The following RAB38 variants were observed in gnomAD, a reference collection of about 807,000 sequenced individuals.
RAB38 encodes the protein RAB38, member RAS oncogene family.
RAB38 carries 15 observed loss-of-function variants against 18.4 expected under a neutral mutation model. That is an observed-to-expected ratio of 0.82 (90% CI 0.55 to 1.26). The LOEUF is 1.26. Among genes scored for constraint, RAB38 ranks in the 50% most tolerant of loss-of-function variants. The pLI, the probability that RAB38 is intolerant of heterozygous loss-of-function variation, is 0.00. For synonymous variants in RAB38, 101 were observed against 104.4 expected, an observed-to-expected ratio of 0.97 and a Z score of 0.20; for missense variants, 294 against 267.4, an observed-to-expected ratio of 1.10 and a Z score of -0.69.
At chr11:87,977,954 TATATAAATAAG>T in the RAB38 span, among the ~76,000 whole-genome samples, 16 of 113,138 alleles carry the variant, frequency 1.4e-4, no homozygotes, top group Non-Finnish European at 2.3e-4. Flanking sequence ...ATTAATATAA[TATATAAATAAG>T]ATATATTATA....
the RAB38 span, among the ~76,000 whole-genome samples, chr11:88,056,676 C>T: frequency 6.6e-6 from 1 of 151,892 alleles, no homozygotes; most frequent in Non-Finnish European, 1.5e-5. Context: ...AGGTGGTGGG[C>T]GCCTGTAGTC....
the RAB38 span, among the ~76,000 whole-genome samples, chr11:88,008,524 T>G: frequency 3.0e-4 from 46 of 152,262 alleles, 1 homozygote; most frequent in East Asian, 1.4e-3. Context: ...GCAATCTGTA[T>G]GAAGAAGCCT....
At chr11:88,092,343 A>AGAGG in the RAB38 span, among the ~76,000 whole-genome samples, 64 of 10,652 alleles carry the variant, frequency 6.0e-3, 20 homozygotes, top group Non-Finnish European at 7.0e-3. Context: ...AGAGAGAGAG[A>AGAGG]GAGGGAGGGA....
At chr11:88,032,095 T>A in the RAB38 span, among the ~76,000 whole-genome samples, 1 of 151,546 alleles carries the variant, frequency 6.6e-6, no homozygotes, top group Non-Finnish European at 1.5e-5. Flanking sequence ...AACTATCTGA[T>A]CTTTGACAAA....
the RAB38 span, among the ~76,000 whole-genome samples, chr11:88,043,774 G>C: frequency 6.6e-6 from 1 of 152,164 alleles, no homozygotes; most frequent in Non-Finnish European, 1.5e-5. Context: ...AGCCTGTTTG[G>C]TGGTCTCTTC....
chr11:87,898,378 T>C, the RAB38 span, among the ~76,000 whole-genome samples: 3 of 151,670 alleles, frequency 2.0e-5, no homozygotes, highest in East Asian at 5.8e-4. Context: ...AATCATCTCC[T>C]CAGAGCCACT....
chr11:87,829,298 G>T, the RAB38 span, among the ~76,000 whole-genome samples: 1 of 152,186 alleles, frequency 6.6e-6, no homozygotes, highest in Non-Finnish European at 1.5e-5. Context: ...ATATACCCAT[G>T]AAACAAACCT....
At chr11:87,868,578 G>GGAGAGAGA in the RAB38 span, among the ~76,000 whole-genome samples, 4 of 59,248 alleles carry the variant, frequency 6.8e-5, no homozygotes, top group East Asian at 1.1e-3. Context: ...AAGGAGTGAG[G>GGAGAGAGA]GAGAGAGAGA....
rs189783697 is a variant in RAB38, at chr11:88,151,720, A to C, written c.203-1765T>G. On this transcript the variant is annotated intron_variant, in intron 1 of 2. Transcript: ENST00000243662. Reference sequence around the variant, plus strand: ...TAAAAACTTTATAATGGTAAGTTTTAATTCAAGTTAGCAAGCTGTTTTGTA... The same window carrying C: ...TAAAAACTTTATAATGGTAAGTTTTCATTCAAGTTAGCAAGCTGTTTTGTA... Among the ~76,000 whole-genome samples the C allele has an allele frequency of 3.3e-4, 50 of 152,358 alleles. No individual in the cohort carries two copies. The East Asian group carries it at 8.5e-3, about 26-fold the overall frequency.
the RAB38 span, chr11:87,817,627 TA>T: frequency 6.6e-6 from 1 of 152,170 alleles, no homozygotes; most frequent in African/African-American, 2.4e-5. Flanking sequence ...ATAAAGCCTT[TA>T]AAAGTTGGTT....
the RAB38 span, among the ~76,000 whole-genome samples, chr11:88,016,777 C>G: frequency 1.3e-5 from 2 of 152,050 alleles, no homozygotes; most frequent in Non-Finnish European, 2.9e-5. Context: ...TAGTTTTGGC[C>G]TAGTTCTGAC....
the RAB38 span, among the ~76,000 whole-genome samples, chr11:88,088,574 AT>A: frequency 1.3e-5 from 2 of 151,798 alleles, no homozygotes; most frequent in Non-Finnish European, 2.9e-5. Flanking sequence ...TGATTTCATG[AT>A]TTTTTGAAAG....
rs116965020 is a variant in RAB38 at position 88,158,106 on chromosome 11, T to C, written c.203-8151A>G. Among the ~76,000 whole-genome samples, 266 of 152,238 alleles carry C rather than the reference T, an allele frequency of 1.7e-3. 5 individuals are homozygous for C. In the East Asian group the frequency reaches 0.047, roughly 27 times the overall value. On this transcript the variant is annotated intron_variant, in intron 1 of 2. Transcript: ENST00000243662. ...GAAATGACAAAGGTGACATTACAACTGATCCCACAGAAATACAAAAGATTA... is the reference window on the plus strand; with the variant it reads ...GAAATGACAAAGGTGACATTACAACCGATCCCACAGAAATACAAAAGATTA...
chr11:88,065,032 A>C, the RAB38 span, among the ~76,000 whole-genome samples: 3 of 152,070 alleles, frequency 2.0e-5, no homozygotes, highest in East Asian at 5.8e-4. Flanking sequence ...ATGATTCTTG[A>C]CTTTTCATTT....
chr11:88,079,039 GA>G, the RAB38 span, among the ~76,000 whole-genome samples: 32 of 151,428 alleles, frequency 2.1e-4, no homozygotes, highest in Non-Finnish European at 7.4e-5. Context: ...TAGAAAGTAG[GA>G]AAAAAATAGA....
At chr11:88,109,119 T>A (rs569307631), downstream of RAB38, among the ~76,000 whole-genome samples, 41 of 152,194 alleles carry the variant, frequency 2.7e-4, no homozygotes, top group Admixed American at 1.0e-3. Context: ...TGTGTCTTAG[T>A]GTTGCTCCTC....
the RAB38 span, among the ~76,000 whole-genome samples, chr11:87,976,970 A>T: frequency 4.8e-5 from 2 of 41,842 alleles, 1 homozygote; most frequent in African/African-American, 2.0e-4. Flanking sequence ...TTATACAAGT[A>T]TATTATAAAA....
chr11:87,921,303 C>G, the RAB38 span, among the ~76,000 whole-genome samples: 1 of 151,806 alleles, frequency 6.6e-6, no homozygotes, highest in East Asian at 1.9e-4. Flanking sequence ...TGGGGAGTGG[C>G]AATAAGCCAT....
chr11:87,920,496 A>T, the RAB38 span, among the ~76,000 whole-genome samples: 2 of 152,048 alleles, frequency 1.3e-5, no homozygotes, highest in Non-Finnish European at 2.9e-5. Flanking sequence ...TGTGGTCAGG[A>T]AAGATACTTG....
Sources: allele counts gnomAD v4.1 joint callset (sites outside exome capture counted in the v4.1 genomes callset), GRCh38; gene constraint gnomAD v4.1.1; transcripts MANE v1.5; gene names NCBI Gene and HGNC (gene_info 2026-07-23, HGNC 2026-07-21).